Variants in SLC25A12 observed in about 807,000 individuals in gnomAD.
SLC25A12 encodes the protein solute carrier family 25 member 12, also known as electrogenic aspartate/glutamate antiporter SLC25A12, mitochondrial.
Under a neutral mutation model 83.3 loss-of-function variants are expected in SLC25A12, and 32 were observed. The ratio of observed to expected loss-of-function variants is 0.38; its 90% confidence interval spans 0.29 to 0.52. SLC25A12 has a LOEUF of 0.52. Among genes scored for constraint, SLC25A12 ranks in the 20% least tolerant of loss-of-function variants. The pLI is 0.84. For missense variants in SLC25A12, 611 were observed against 835.6 expected (o/e 0.73, Z 3.31); for synonymous variants, 267 against 291.1 (o/e 0.92, Z 0.84).
At chr2:171,797,027 C>A (rs1157524307) in intron 13 of SLC25A12, among the ~76,000 whole-genome samples, 1 of 151,978 alleles carries the variant, frequency 6.6e-6, no homozygotes, top group Non-Finnish European at 1.5e-5. Flanking sequence ...TTCCTCTCTG[C>A]GAAACAAATA....
At chr2:171,845,296 G>A (rs1481578429) in intron 4 of SLC25A12, among the ~76,000 whole-genome samples, 1 of 151,734 alleles carries the variant, frequency 6.6e-6, no homozygotes, top group East Asian at 1.9e-4. Flanking sequence ...TTCTTACAGA[G>A]TTCTATACTT....
intron 11 of SLC25A12, among the ~76,000 whole-genome samples, chr2:171,810,742 G>A (rs1473943958): frequency 2.0e-5 from 3 of 151,976 alleles, no homozygotes; most frequent in South Asian, 2.1e-4. Flanking sequence ...CAGTGGCTTC[G>A]TTATTATAGA....
At position 171,846,915 on chromosome 2, in the gene SLC25A12, C is replaced by T. The variant is rs974520821; in HGVS notation, c.326-2407G>A. Among the ~76,000 whole-genome samples the T allele has an allele frequency of 5.8e-4, 88 of 152,186 alleles. 1 individual carries two copies. The highest frequency in any genetic ancestry group is 2.0e-3 in the African/African-American group (82 of 41,442). Reference sequence around the variant, plus strand: ...AATAAAAACTTTAGATATCCTATTTCATAAACTTCTTAGCCATCTCTAAAT... The same window carrying T: ...AATAAAAACTTTAGATATCCTATTTTATAAACTTCTTAGCCATCTCTAAAT... On this transcript the variant is annotated intron_variant, in intron 4 of 17. Coordinates refer to ENST00000422440, the MANE Select transcript of SLC25A12 (RefSeq NM_003705.5).
intron 6 of SLC25A12, among the ~76,000 whole-genome samples, 169 bp from the exon 7 acceptor site, chr2:171,835,034 T>C (rs1489835963): frequency 1.3e-5 from 2 of 152,250 alleles, no homozygotes; most frequent in Non-Finnish European, 1.5e-5. Flanking sequence ...GTGCACTGCA[T>C]GCCCTCAGGG....
intron 2 of SLC25A12, among the ~76,000 whole-genome samples, chr2:171,876,547 G>T (rs13419006): frequency 5.6e-5 from 3 of 53,744 alleles, no homozygotes; most frequent in Non-Finnish European, 1.7e-4. Flanking sequence ...TTTTTTTGGG[G>T]GGGGGGGGAC....
intron 2 of SLC25A12, among the ~76,000 whole-genome samples, chr2:171,874,095 G>A (rs1171919556): frequency 2.0e-5 from 3 of 152,184 alleles, no homozygotes; most frequent in East Asian, 1.9e-4. Context: ...GTGTGGTGGC[G>A]CATGCCTATA....
chr2:171,818,716 G>A (rs1259211482), intron 9 of SLC25A12, among the ~76,000 whole-genome samples: 3 of 151,954 alleles, frequency 2.0e-5, no homozygotes, highest in Admixed American at 6.6e-5. Flanking sequence ...AGGCTGCAGT[G>A]AGCAGTGATG....
chr2:171,889,339 T>C (rs1685884911), intron 2 of SLC25A12, among the ~76,000 whole-genome samples: 1 of 152,328 alleles, frequency 6.6e-6, no homozygotes, highest in Non-Finnish European at 1.5e-5. Context: ...CTTCCCTTAC[T>C]TCCATATTTA....
intron 2 of SLC25A12, among the ~76,000 whole-genome samples, chr2:171,882,209 C>A (rs141357415): frequency 3.8e-4 from 58 of 152,236 alleles, no homozygotes; most frequent in Admixed American, 2.2e-3. Flanking sequence ...TTCCTTCCCC[C>A]CTTCTGGTAA....
At chr2:171,849,807 C>T (rs1244253662) in intron 4 of SLC25A12, among the ~76,000 whole-genome samples, 4 of 152,024 alleles carry the variant, frequency 2.6e-5, no homozygotes, top group African/African-American at 7.2e-5. Context: ...CCACCCGCCT[C>T]GGCCTCCCAA....
chr2:171,795,750 C>A (rs1366527817), intron 13 of SLC25A12, among the ~76,000 whole-genome samples: 1 of 152,112 alleles, frequency 6.6e-6, no homozygotes, highest in Non-Finnish European at 1.5e-5. Flanking sequence ...TCCTGCTGGG[C>A]AGGAGTACTC....
At chr2:171,815,019 C>A in intron 10 of SLC25A12, 102 bp downstream of exon 10, 1 of 931,274 alleles carries the variant, frequency 1.1e-6, no homozygotes, top group South Asian at 1.3e-5. Context: ...GAAGTCGTGA[C>A]CCATGGGAAC....
At chr2:171,834,693 G>C (rs1684519873) in intron 7 of SLC25A12, 34 bp downstream of exon 7, 5 of 1,606,840 alleles carry the variant, frequency 3.1e-6, no homozygotes, top group Non-Finnish European at 4.2e-6. Flanking sequence ...TGAAAATGCT[G>C]AGATTCTTAT....
At chr2:171,855,514 TG>T (rs199834217) in intron 4 of SLC25A12, among the ~76,000 whole-genome samples, 2,840 of 152,284 alleles carry the variant, frequency 0.019, 54 homozygotes, top group Admixed American at 0.067. Flanking sequence ...AATTGTTTCA[TG>T]TTGTTCAAAA....
chr2:171,787,461 G>C (rs1350054561), intron 17 of SLC25A12, 110 bp downstream of exon 17: 1 of 895,494 alleles, frequency 1.1e-6, no homozygotes, highest in Non-Finnish European at 1.9e-6. Context: ...GGTCTTAAAG[G>C]TTCTGTCTTA....
At chr2:171,825,133 G>C (rs779514369) in intron 9 of SLC25A12, among the ~76,000 whole-genome samples, 2 of 152,106 alleles carry the variant, frequency 1.3e-5, no homozygotes, top group Non-Finnish European at 2.9e-5. Flanking sequence ...GATGGCAGCA[G>C]ATAAAAGAGT....
At chr2:171,827,792 T>C (rs1285589077) in intron 8 of SLC25A12, among the ~76,000 whole-genome samples, 1 of 152,236 alleles carries the variant, frequency 6.6e-6, no homozygotes, top group Non-Finnish European at 1.5e-5. Flanking sequence ...TGGTAACATA[T>C]CTTGGCAAGT....
At chr2:171,811,920 G>T (rs998200347) in intron 11 of SLC25A12, among the ~76,000 whole-genome samples, 1 of 152,068 alleles carries the variant, frequency 6.6e-6, no homozygotes, top group African/African-American at 2.4e-5. Context: ...AAATATTGGA[G>T]ATATCAAGGA....
intron 2 of SLC25A12, among the ~76,000 whole-genome samples, chr2:171,877,395 G>T (rs531575224): frequency 1.3e-5 from 2 of 151,916 alleles, no homozygotes; most frequent in Admixed American, 6.6e-5. Context: ...GGCTGGGCAC[G>T]GTGGCTCACA....
Sources: gnomAD v4.1 joint callset for allele counts (sites outside exome capture counted in the v4.1 genomes callset) on GRCh38, gnomAD v4.1.1 for gene constraint, MANE v1.5 for transcripts, NCBI Gene and HGNC (gene_info 2026-07-23, HGNC 2026-07-21) for gene names.